Variants in XIRP2 observed in about 807,000 individuals in gnomAD.
The protein encoded by XIRP2 is xin actin binding repeat containing 2.
A neutral mutation model predicts 277.0 loss-of-function variants in XIRP2; 236 were observed. The ratio of observed to expected loss-of-function variants is 0.85; its 90% CI spans 0.77 to 0.95. The LOEUF (loss-of-function observed/expected upper bound fraction) is 0.95. XIRP2 is among the 40% of genes least tolerant of loss of function. The probability of loss-of-function intolerance (pLI) is 0.00; values close to 1 mark genes in which losing one functional copy is unlikely to be tolerated. For missense variants in XIRP2, 4,640 were observed against 4,157.5 expected (o/e 1.12, Z -3.19); for synonymous variants, 1,490 against 1,416.5 (o/e 1.05, Z -1.17).
intron 2 of XIRP2, among the ~76,000 whole-genome samples, chr2:167,077,479 A>G (rs1345852881): frequency 1.3e-5 from 2 of 152,158 alleles, no homozygotes; most frequent in Non-Finnish European, 2.9e-5. Flanking sequence ...GCTGATTTTC[A>G]AGTGGGAGAA....
At chr2:167,175,526 C>T (rs149973940) in intron 3 of XIRP2, among the ~76,000 whole-genome samples, 2,170 of 152,222 alleles carry the variant, frequency 0.014, 50 homozygotes, top group African/African-American at 0.05. Context: ...CCCAGAGGGG[C>T]ACCTGCCAGA....
chr2:167,078,968 C>T (rs1040729294), intron 2 of XIRP2, among the ~76,000 whole-genome samples: 6 of 152,086 alleles, frequency 3.9e-5, no homozygotes, highest in African/African-American at 1.4e-4. Flanking sequence ...CAGCTTTTGC[C>T]TATTCAGTAT....
chr2:167,150,569 T>C (rs527383604), intron 3 of XIRP2, among the ~76,000 whole-genome samples: 1 of 152,080 alleles, frequency 6.6e-6, no homozygotes, highest in South Asian at 2.1e-4. Context: ...AAAGTAAGAT[T>C]GAGAAGAATG....
At chr2:166,920,308 C>T (rs147724814) in intron 2 of XIRP2, among the ~76,000 whole-genome samples, 69 of 152,188 alleles carry the variant, frequency 4.5e-4, no homozygotes, top group African/African-American at 1.5e-3. Flanking sequence ...AGTAATAGAG[C>T]AGGGATTGGA....
chr2:166,936,120 G>A (rs1189924436), intron 2 of XIRP2, among the ~76,000 whole-genome samples: 2 of 152,298 alleles, frequency 1.3e-5, no homozygotes, highest in Non-Finnish European at 2.9e-5. Context: ...GGTGTGAGAT[G>A]GTTGTCTCAT....
intron 2 of XIRP2, among the ~76,000 whole-genome samples, chr2:167,072,518 C>T (rs144379699): frequency 5.0e-4 from 76 of 152,248 alleles, no homozygotes; most frequent in African/African-American, 1.8e-3. Context: ...GATTACACTT[C>T]CCTTATATGG....
At chr2:167,229,430 C>G (rs941293471) in intron 5 of XIRP2, among the ~76,000 whole-genome samples, 2 of 152,046 alleles carry the variant, frequency 1.3e-5, no homozygotes, top group Non-Finnish European at 2.9e-5. Context: ...GCTAGTTTGT[C>G]AGTATCAAGG....
intron 2 of XIRP2, among the ~76,000 whole-genome samples, chr2:167,035,850 G>A (rs866195504): frequency 6.6e-6 from 1 of 152,162 alleles, no homozygotes; most frequent in Non-Finnish European, 1.5e-5. Context: ...TTAACCCATG[G>A]CCCCTATGCT....
intron 2 of XIRP2, among the ~76,000 whole-genome samples, chr2:166,905,339 A>C (rs995352033): frequency 1.4e-4 from 21 of 151,962 alleles, no homozygotes; most frequent in Admixed American, 1.4e-3. Context: ...CAAGGTAGAA[A>C]AAGTCGTCTA....
chr2:167,214,222 G>GGA (rs1559024035), intron 4 of XIRP2, among the ~76,000 whole-genome samples: 6 of 68,450 alleles, frequency 8.8e-5, no homozygotes, highest in African/African-American at 5.7e-4. Context: ...GGGAGGGAGG[G>GGA]AGGGAGGAAG....
chr2:167,087,778 C>A (rs970655459), intron 2 of XIRP2, among the ~76,000 whole-genome samples: 12 of 152,206 alleles, frequency 7.9e-5, no homozygotes, highest in African/African-American at 2.9e-4. Flanking sequence ...CCAAGTGAGG[C>A]AATGCCTCGC....
At chr2:167,032,928 G>A (rs1339086800) in intron 2 of XIRP2, among the ~76,000 whole-genome samples, 2 of 152,074 alleles carry the variant, frequency 1.3e-5, no homozygotes, top group African/African-American at 4.8e-5. Context: ...ATTTGACCCA[G>A]CAATCCCAAT....
chr2:166,928,669 T>C (rs1044979989), intron 2 of XIRP2, among the ~76,000 whole-genome samples: 4 of 152,182 alleles, frequency 2.6e-5, no homozygotes, highest in Non-Finnish European at 4.4e-5. Flanking sequence ...ATTTAATCAA[T>C]GTTTCAAGCA....
Position 167,245,065 on chromosome 2 carries a change from A to C in XIRP2, c.3673A>C (p.Thr1225Pro), listed in dbSNP as rs778051297. 16 of 1,610,148 alleles carry C rather than the reference A, an allele frequency of 9.9e-6. No individual in the cohort carries two copies. In the East Asian group the frequency reaches 3.3e-4, roughly 34 times the overall value. Residue 1225 changes from threonine (T) to proline (P), a missense_variant, in exon 9 of 11, where the codon ACC becomes CCC. Thr to Pro is a conservative substitution (Grantham distance 38). Coordinates refer to ENST00000409195, the MANE Select transcript of XIRP2 (RefSeq NM_152381.6). ...AGAGGAAGTTTTGAAAAAGATCAAA[A>C]CCTTAAAAACTGAAGATATTCAGAA... ...SSEEVLKKIK[T>P]LKTEDIQKGN...
chr2:167,197,469 T>C (rs1200148263), intron 3 of XIRP2, among the ~76,000 whole-genome samples: 1 of 152,102 alleles, frequency 6.6e-6, no homozygotes, highest in Non-Finnish European at 1.5e-5. Flanking sequence ...TTGACTATTT[T>C]AATCTCAACT....
In XIRP2 at chr2:167,247,783, A is replaced by C; in HGVS notation, c.6391A>C (p.Asn2131His). 1 of 1,613,388 alleles carries C rather than the reference A, an allele frequency of 6.2e-7. No homozygotes were observed. The highest frequency in any genetic ancestry group is 8.5e-7 in the Non-Finnish European group (1 of 1,179,668). The part of the protein sequence containing the change: ...VGKQQTYELR[N>H]DHQKMEGFHI... The stretch of plus-strand genomic sequence containing the variant: ...AAAGCAACAGACATATGAACTGAGA[A>C]ATGACCACCAGAAAATGGAGGGTTT... The change falls in exon 9 of 11, where the codon AAT (asparagine) becomes CAT (histidine). Residue 2131 changes from asparagine (N) to histidine (H), a missense_variant. By Grantham distance (68) the Asn-to-His change is moderately conservative (BLOSUM62 1). Coordinates refer to ENST00000409195, the MANE Select transcript of XIRP2 (RefSeq NM_152381.6).
intron 2 of XIRP2, among the ~76,000 whole-genome samples, chr2:167,026,086 G>A (rs1269392545): frequency 6.6e-6 from 1 of 152,122 alleles, no homozygotes; most frequent in African/African-American, 2.4e-5. Flanking sequence ...TTGTGTGGGA[G>A]TCTAAGTCTC....
chr2:167,039,835 C>T (rs1574195278), intron 2 of XIRP2, among the ~76,000 whole-genome samples: 1 of 152,070 alleles, frequency 6.6e-6, no homozygotes, highest in African/African-American at 2.4e-5. Context: ...GTAACGTATT[C>T]AAATTGAGAA....
chr2:166,926,757 G>A (rs187396340), intron 2 of XIRP2, among the ~76,000 whole-genome samples: 42 of 152,208 alleles, frequency 2.8e-4, no homozygotes, highest in African/African-American at 9.6e-4. Context: ...AATTTACACA[G>A]TGAACAGACT....
Sources: gnomAD v4.1 joint callset for allele counts (sites outside exome capture counted in the v4.1 genomes callset) on GRCh38, gnomAD v4.1.1 for gene constraint, MANE v1.5 for transcripts, NCBI Gene and HGNC (gene_info 2026-07-23, HGNC 2026-07-21) for gene names.